The following NPAS3 variants were observed in gnomAD, a reference collection of about 807,000 sequenced individuals.
NPAS3 encodes the protein neuronal PAS domain protein 3, also known as neuronal PAS domain-containing protein 3.
A neutral mutation model predicts 73.1 loss-of-function variants in NPAS3; 14 were observed. The observed-to-expected ratio is 0.19, with a 90% confidence interval of 0.13 to 0.30. The LOEUF is 0.30. Among genes scored for constraint, NPAS3 ranks in the 10% least tolerant of loss-of-function variants. NPAS3 has a pLI of 1.00. For synonymous variants in NPAS3, 620 were observed against 541.5 expected, an observed-to-expected ratio of 1.14 and a Z score of -2.01; for missense variants, 1,096 against 1,250.0, an observed-to-expected ratio of 0.88 and a Z score of 1.86.
At chr14:32,972,020 G>A (rs1197771192) in intron 1 of NPAS3, among the ~76,000 whole-genome samples, 1 of 142,750 alleles carries the variant, frequency 7.0e-6, no homozygotes, top group African/African-American at 2.6e-5. Flanking sequence ...CTCACTGCAA[G>A]CTCCACCTCC....
intron 2 of NPAS3, among the ~76,000 whole-genome samples, chr14:33,184,953 A>G (rs575165185): frequency 2.6e-5 from 4 of 152,264 alleles, no homozygotes; most frequent in African/African-American, 9.6e-5. Flanking sequence ...TTTTTAAATC[A>G]TGTCTTATTC....
chr14:33,154,500 G>T (rs1470996427), intron 2 of NPAS3, among the ~76,000 whole-genome samples: 3 of 152,226 alleles, frequency 2.0e-5, no homozygotes, highest in Non-Finnish European at 2.9e-5. Context: ...AGGGACAAAT[G>T]CTTCCCGACT....
intron 2 of NPAS3, among the ~76,000 whole-genome samples, chr14:33,135,026 AT>A (rs2043781619): frequency 6.6e-6 from 1 of 152,184 alleles, no homozygotes; most frequent in Non-Finnish European, 1.5e-5. Context: ...TTGTGCTTTC[AT>A]TGCATATTAT....
Position 33,786,969 on chromosome 14 carries a change from A to G in NPAS3, c.1154-6928A>G, listed in dbSNP as rs936808411. Among the ~76,000 whole-genome samples, 3 of 152,136 alleles carry G rather than the reference A, an allele frequency of 2.0e-5. No homozygotes were observed. In the South Asian group the frequency reaches 6.2e-4, roughly 31 times the overall value. ...AATGGATTGAATGAATAAATCCACCATTGTCCTCAGTTCCTAGCCTTAATT... is the reference window on the plus strand; with the variant it reads ...AATGGATTGAATGAATAAATCCACCGTTGTCCTCAGTTCCTAGCCTTAATT... On this transcript the variant is annotated intron_variant, in intron 9 of 11. Coordinates refer to ENST00000356141, the Ensembl canonical transcript of NPAS3.
intron 5 of NPAS3, among the ~76,000 whole-genome samples, chr14:33,623,851 T>C (rs1016038515): frequency 7.9e-5 from 12 of 152,204 alleles, no homozygotes; most frequent in African/African-American, 2.7e-4. Context: ...CTTGACTATC[T>C]GTCAATTGAA....
Position 33,219,222 on chromosome 14 carries a change from G to A in NPAS3, c.385+3796G>A, listed in dbSNP as rs573485006. 2.3e-3 allele frequency among the ~76,000 whole-genome samples: 346 copies of A among 152,228 alleles called. 1 individual carries two copies. Among genetic ancestry groups the A allele is most frequent in the Non-Finnish European group, 3.8e-3 (261 of 67,986 alleles). On this transcript the variant is annotated intron_variant, in intron 3 of 11. Coordinates refer to ENST00000356141, the Ensembl canonical transcript of NPAS3. ...GTAATCTCTATTTAGAGGCTATCTA[G>A]AAACCATTATATCTTTTATTAATCT...
chr14:33,584,865 C>T (rs928076628), intron 5 of NPAS3, among the ~76,000 whole-genome samples: 3 of 152,100 alleles, frequency 2.0e-5, no homozygotes, highest in Non-Finnish European at 4.4e-5. Flanking sequence ...TTAACATGCA[C>T]ATGTTAACAG....
At chr14:33,319,665 A>G (rs920188656) in intron 3 of NPAS3, among the ~76,000 whole-genome samples, 2 of 152,186 alleles carry the variant, frequency 1.3e-5, no homozygotes, top group African/African-American at 2.4e-5. Flanking sequence ...CTGTCAATCT[A>G]AAGTGTACAG....
At chr14:33,088,341 A>G (rs1349305123) in intron 2 of NPAS3, among the ~76,000 whole-genome samples, 1 of 152,084 alleles carries the variant, frequency 6.6e-6, no homozygotes, top group Non-Finnish European at 1.5e-5. Flanking sequence ...TCCCACCATA[A>G]TACTGCGCTT....
intron 4 of NPAS3, among the ~76,000 whole-genome samples, chr14:33,470,751 A>G (rs575893383): frequency 1.3e-5 from 2 of 152,274 alleles, no homozygotes; most frequent in African/African-American, 4.8e-5. Flanking sequence ...TATGAGAACA[A>G]TAGAAGTGAA....
At position 33,084,634 on chromosome 14, in the gene NPAS3, A is replaced by G. The variant is rs148233560; in HGVS notation, c.140+28640A>G. On this transcript the variant is annotated intron_variant, in intron 2 of 11. Transcript: ENST00000356141. ...TGAGTCCCATGGAATCCCTCTGGGC[A>G]AGGGAATCCTGGGGACCTGTGTGAT... 5.8e-3 allele frequency among the ~76,000 whole-genome samples: 883 copies of G among 152,268 alleles called. 7 individuals carry two copies. Among genetic ancestry groups the G allele is most frequent in the Admixed American group, 0.024 (362 of 15,294 alleles).
intron 4 of NPAS3, among the ~76,000 whole-genome samples, chr14:33,551,870 A>C (rs1466673861): frequency 6.6e-6 from 1 of 152,226 alleles, no homozygotes. Flanking sequence ...GCGTTTCCCC[A>C]AAACAACACC....
rs72678866 is a variant in NPAS3, at chr14:33,297,311, A to C, written c.386-69875A>C. 9.7e-3 allele frequency among the ~76,000 whole-genome samples: 1,470 copies of C among 152,296 alleles called. 9 individuals carry two copies. The highest frequency in any genetic ancestry group is 0.048 in the Middle Eastern group (14 of 294). The stretch of plus-strand genomic sequence containing the variant: ...ATAACTTAATATATACAAAACATTT[A>C]GATTTATGCTATATAATGTATCATA... On this transcript the variant is annotated intron_variant, in intron 3 of 11. Coordinates refer to ENST00000356141, the Ensembl canonical transcript of NPAS3.
intron 1 of NPAS3, among the ~76,000 whole-genome samples, chr14:33,055,442 A>G (rs1380354114): frequency 2.0e-5 from 3 of 152,234 alleles, no homozygotes; most frequent in Non-Finnish European, 2.9e-5. Context: ...CTCTATATAA[A>G]TTGAATAGAG....
chr14:33,803,211 T>G (rs911900592), downstream of NPAS3: 1 of 152,158 alleles, frequency 6.6e-6, no homozygotes, highest in African/African-American at 2.4e-5. Context: ...CAATTACCAG[T>G]GAGACAGAAA....
At chr14:33,530,683 A>C (rs929080871) in intron 4 of NPAS3, among the ~76,000 whole-genome samples, 1 of 151,918 alleles carries the variant, frequency 6.6e-6, no homozygotes, top group Non-Finnish European at 1.5e-5. Flanking sequence ...GTTTAACCCT[A>C]GAAATGTCAG....
intron 9 of NPAS3, among the ~76,000 whole-genome samples, chr14:33,790,606 T>A (rs150977979): frequency 6.6e-6 from 1 of 152,268 alleles, no homozygotes; most frequent in African/African-American, 2.4e-5. Flanking sequence ...AAATTTACAT[T>A]CTGGAGGCCC....
chr14:33,268,200 C>T (rs752053923), intron 3 of NPAS3, among the ~76,000 whole-genome samples: 3 of 152,096 alleles, frequency 2.0e-5, no homozygotes, highest in Non-Finnish European at 2.9e-5. Flanking sequence ...AGTCCCAGGA[C>T]AGCATTTCTG....
At chr14:33,771,997 C>T (rs1196883665) in intron 7 of NPAS3, among the ~76,000 whole-genome samples, 1 of 152,062 alleles carries the variant, frequency 6.6e-6, no homozygotes, top group Non-Finnish European at 1.5e-5. Context: ...TCCTTCTTCA[C>T]CTGAAAATAA....
Sources: gnomAD v4.1 joint callset for allele counts (sites outside exome capture counted in the v4.1 genomes callset) on GRCh38, gnomAD v4.1.1 for gene constraint, MANE v1.5 for transcripts, NCBI Gene and HGNC (gene_info 2026-07-23, HGNC 2026-07-21) for gene names.